The following ETNK1 variants were observed in gnomAD, a reference collection of about 807,000 sequenced individuals.
ETNK1 encodes the protein putative protein product of Nbla10396.
Under a neutral mutation model 45.1 loss-of-function variants are expected in ETNK1, and 8 were observed. The observed-to-expected ratio is 0.18, with a 90% CI of 0.10 to 0.32. The LOEUF is 0.32. Among genes scored for constraint, ETNK1 ranks in the 10% least tolerant of loss-of-function variants. The pLI, the probability that ETNK1 is intolerant of heterozygous loss-of-function variation, is 1.00. For missense variants in ETNK1, 302 were observed against 430.6 expected (o/e 0.70, Z 2.64); for synonymous variants, 152 against 151.9 (o/e 1.00, Z -0.01).
intron 6 of ETNK1, 141 bp downstream of exon 6, chr12:22,673,801 G>A: frequency 1.2e-6 from 1 of 826,534 alleles, no homozygotes; most frequent in Non-Finnish European, 1.9e-6. Flanking sequence ...ACCATTTACA[G>A]TATGCATTAC....
chr12:22,633,429 C>T (rs1165238865), intron 1 of ETNK1, among the ~76,000 whole-genome samples: 1 of 152,186 alleles, frequency 6.6e-6, no homozygotes, highest in African/African-American at 2.4e-5. Flanking sequence ...GTGTGGATTA[C>T]TCTCAATCAT....
At chr12:22,674,578 C>T (rs575932066) in intron 6 of ETNK1, among the ~76,000 whole-genome samples, 1 of 152,250 alleles carries the variant, frequency 6.6e-6, no homozygotes, top group African/African-American at 2.4e-5. Flanking sequence ...CCTAGGATGC[C>T]TGCTTTTCTA....
At chr12:22,657,226 T>G (rs927913780) in intron 2 of ETNK1, among the ~76,000 whole-genome samples, 2 of 152,202 alleles carry the variant, frequency 1.3e-5, no homozygotes, top group Non-Finnish European at 2.9e-5. Flanking sequence ...TCAAAATGAT[T>G]TAGTTTATAA....
At chr12:22,680,890 T>TCTCCCCCCCCC (rs1954208192) in intron 6 of ETNK1, among the ~76,000 whole-genome samples, 1 of 53,202 alleles carries the variant, frequency 1.9e-5, no homozygotes, top group African/African-American at 4.6e-5. Context: ...GAGCTTTTCT[T>TCTCCCCCCCCC]CCCCCGCCCC....
intron 6 of ETNK1, among the ~76,000 whole-genome samples, chr12:22,683,858 T>C (rs940784357): frequency 9.2e-5 from 14 of 152,156 alleles, no homozygotes; most frequent in African/African-American, 3.4e-4. Context: ...TTTAAAATAT[T>C]ACCCTGTTTA....
At chr12:22,670,407 C>CT (rs2137567172) in intron 4 of ETNK1, among the ~76,000 whole-genome samples, 1 of 149,470 alleles carries the variant, frequency 6.7e-6, no homozygotes, top group Non-Finnish European at 1.5e-5. Flanking sequence ...CTCTTTTTTG[C>CT]TTTTTCTCTC....
At chr12:22,664,989 A>G (rs931367359) in intron 4 of ETNK1, among the ~76,000 whole-genome samples, 3 of 152,152 alleles carry the variant, frequency 2.0e-5, no homozygotes, top group African/African-American at 7.2e-5. Flanking sequence ...GATTATCTTG[A>G]TGTCTCTACA....
intron 2 of ETNK1, among the ~76,000 whole-genome samples, chr12:22,646,429 T>C (rs1953807793): frequency 1.3e-5 from 2 of 151,818 alleles, no homozygotes; most frequent in South Asian, 4.1e-4. Flanking sequence ...AAATTTGGGA[T>C]GATGTGCTTA....
rs1232659278 is a variant in ETNK1, at chr12:22,661,373, G to A, written c.700+168G>A. The stretch of plus-strand genomic sequence containing the variant: ...CAAGTTATGGTAACTGTGAAATTTA[G>A]GATATATATTCTTTTTATATTTGTA... On this transcript the variant is annotated intron_variant, in intron 4 of 7. Coordinates refer to ENST00000266517, the MANE Select transcript of ETNK1 (RefSeq NM_018638.5). 7.5e-6 allele frequency: 3 copies of A among 402,406 alleles called. 1 individual carries two copies. The South Asian group carries it at 2.8e-4, about 38-fold the overall frequency. The allele number at this position is 402,406 out of a possible 1,614,324, so 24.9% of individuals were successfully genotyped here.
chr12:22,662,983 A>G (rs1200753505), intron 4 of ETNK1, among the ~76,000 whole-genome samples: 6 of 152,178 alleles, frequency 3.9e-5, no homozygotes, highest in Admixed American at 3.9e-4. Context: ...TTTGTTTGAT[A>G]TTTCAATGTT....
At chr12:22,684,590 C>T (rs1565450407) in intron 7 of ETNK1, 34 bp downstream of exon 7, 1 of 1,344,626 alleles carries the variant, frequency 7.4e-7, no homozygotes, top group Admixed American at 1.8e-5. Flanking sequence ...TTACATTGGT[C>T]TCTGCTTTTG....
At chr12:22,682,279 A>C in intron 6 of ETNK1, 1 of 498,886 alleles carries the variant, frequency 2.0e-6, no homozygotes, top group Non-Finnish European at 4.0e-6. Context: ...TTCTAATTTT[A>C]GGGTGAAAAC....
chr12:22,661,381 A>G (rs1953998016), intron 4 of ETNK1, among the ~76,000 whole-genome samples, 176 bp downstream of exon 4: 1 of 152,162 alleles, frequency 6.6e-6, no homozygotes, highest in Non-Finnish European at 1.5e-5. Flanking sequence ...TAGGATATAT[A>G]TTCTTTTTAT....
chr12:22,670,363 A>G (rs1236807693), intron 4 of ETNK1, among the ~76,000 whole-genome samples: 1 of 134,750 alleles, frequency 7.4e-6, no homozygotes, highest in Admixed American at 7.3e-5. Flanking sequence ...ACAGTGACCC[A>G]CATTGATTTT....
chr12:22,659,188 A>T (rs1953974475), intron 3 of ETNK1, 34 bp downstream of exon 3: 1 of 1,588,896 alleles, frequency 6.3e-7, no homozygotes, highest in Admixed American at 1.7e-5. Context: ...ATTATGTTTT[A>T]CATTGCTTTG....
At chr12:22,671,488 T>A in intron 5 of ETNK1, 133 bp downstream of exon 5, 1 of 668,916 alleles carries the variant, frequency 1.5e-6, no homozygotes, top group Non-Finnish European at 2.6e-6. Context: ...TCTTTGCTTT[T>A]GTTTATCACT....
At chr12:22,651,635 T>C (rs1012383532) in intron 2 of ETNK1, among the ~76,000 whole-genome samples, 6 of 150,862 alleles carry the variant, frequency 4.0e-5, no homozygotes, top group African/African-American at 1.5e-4. Context: ...GTGCAACTAA[T>C]TTCCTAACAT....
intron 6 of ETNK1, among the ~76,000 whole-genome samples, chr12:22,684,188 C>T (rs1954238395): frequency 6.6e-6 from 1 of 152,136 alleles, no homozygotes; most frequent in African/African-American, 2.4e-5. Context: ...ACACTAACAT[C>T]TATCAGTGCT....
intron 4 of ETNK1, among the ~76,000 whole-genome samples, chr12:22,663,029 T>C (rs1954022200): frequency 6.6e-6 from 1 of 152,222 alleles, no homozygotes; most frequent in Non-Finnish European, 1.5e-5. Flanking sequence ...CATACTGAGC[T>C]AACATTTTTG....
Sources: gnomAD v4.1 joint callset for allele counts (sites outside exome capture counted in the v4.1 genomes callset) on GRCh38, gnomAD v4.1.1 for gene constraint, MANE v1.5 for transcripts, NCBI Gene and HGNC (gene_info 2026-07-23, HGNC 2026-07-21) for gene names.